Variants in KAT6A observed in about 807,000 individuals in gnomAD.
KAT6A encodes the protein lysine acetyltransferase 6A.
In KAT6A, 9 loss-of-function variants were observed where a neutral mutation model predicts 198.4. That is an observed-to-expected ratio of 0.05 (90% CI 0.03 to 0.08). The LOEUF is 0.08. Among genes scored for constraint, KAT6A ranks in the 10% least tolerant of loss-of-function variants. The probability of loss-of-function intolerance (pLI) is 1.00; values close to 1 mark genes in which losing one functional copy is unlikely to be tolerated. For synonymous variants in KAT6A, 890 were observed against 883.0 expected (o/e 1.01, Z -0.14); for missense variants, 2,077 against 2,509.9 (o/e 0.83, Z 3.69).
chr8:42,038,795 C>T (rs1277960036), intron 2 of KAT6A, among the ~76,000 whole-genome samples: 1 of 151,940 alleles, frequency 6.6e-6, no homozygotes, highest in African/African-American at 2.4e-5. Context: ...AAAGATACCT[C>T]AATCAACACT....
intron 2 of KAT6A, among the ~76,000 whole-genome samples, chr8:42,015,571 G>A (rs1826232792): frequency 6.6e-6 from 1 of 152,166 alleles, no homozygotes; most frequent in African/African-American, 2.4e-5. Flanking sequence ...CTCCTATACA[G>A]TCGTATAAAT....
At chr8:42,045,513 G>A in intron 2 of KAT6A, among the ~76,000 whole-genome samples, 1 of 143,524 alleles carries the variant, frequency 7.0e-6, no homozygotes, top group East Asian at 2.1e-4. Context: ...AGTAAGCCAA[G>A]ATCGTGCCAC....
intron 2 of KAT6A, among the ~76,000 whole-genome samples, chr8:42,041,969 A>G (rs577263384): frequency 1.3e-5 from 2 of 152,338 alleles, no homozygotes; most frequent in East Asian, 3.9e-4. Flanking sequence ...TAGCATGGAC[A>G]ACTATTTATT....
chr8:41,964,890 G>A (rs1278529778), intron 8 of KAT6A, among the ~76,000 whole-genome samples: 1 of 152,170 alleles, frequency 6.6e-6, no homozygotes, highest in Non-Finnish European at 1.5e-5. Flanking sequence ...TGATGATGAT[G>A]AGGAGGAGGA....
chr8:41,942,672 T>C (rs545136194), intron 14 of KAT6A, 121 bp downstream of exon 14: 6 of 1,120,036 alleles, frequency 5.4e-6, no homozygotes, highest in South Asian at 1.6e-5. Context: ...AATAAAACTC[T>C]TGACATTCTA....
At chr8:42,035,065 C>G (rs1387295669) in intron 2 of KAT6A, among the ~76,000 whole-genome samples, 1 of 152,144 alleles carries the variant, frequency 6.6e-6, no homozygotes, top group Non-Finnish European at 1.5e-5. Flanking sequence ...AATGAAGAAA[C>G]TACTAAGGTA....
rs117194624 is a variant in KAT6A, at chr8:42,037,623, G to A, written c.600+10755C>T. ...AGTCTGACAACACCTCTAGATCTGC[G>A]GAATCACCTATTCTACATAAAAGGT... On this transcript the variant is annotated intron_variant, in intron 2 of 16. Transcript: ENST00000265713. Among the ~76,000 whole-genome samples the A allele has an allele frequency of 4.2e-4, 63 of 151,556 alleles. 1 individual carries two copies. The East Asian group carries it at 7.6e-3, about 18-fold the overall frequency.
At chr8:41,997,648 T>A (rs1016633302) in intron 2 of KAT6A, among the ~76,000 whole-genome samples, 3 of 152,148 alleles carry the variant, frequency 2.0e-5, no homozygotes, top group African/African-American at 7.2e-5. Context: ...TCCAGGTTAC[T>A]CTGAGCATAA....
chr8:42,009,636 T>C (rs538139903), intron 2 of KAT6A, among the ~76,000 whole-genome samples: 2 of 151,980 alleles, frequency 1.3e-5, no homozygotes, highest in African/African-American at 2.4e-5. Flanking sequence ...CAGTGGCTCA[T>C]GCCTGTAATC....
chr8:41,995,670 ATTTCT>A (rs1825162369), intron 2 of KAT6A, among the ~76,000 whole-genome samples: 1 of 129,332 alleles, frequency 7.7e-6, no homozygotes, highest in Admixed American at 8.2e-5. Flanking sequence ...TCCAATTTTC[ATTTCT>A]TTTTTTTTTT....
Position 41,933,089 on chromosome 8 carries a change from A to G in KAT6A, c.5131T>C (p.Phe1711Leu), listed in dbSNP as rs1821640362. The G allele has an allele frequency of 6.2e-7, 1 of 1,610,652 alleles. No homozygotes were observed. The highest frequency in any genetic ancestry group is 1.1e-5 in the South Asian group (1 of 90,966). ...PLSQCSMNNS[F>L]TPAPMIMEIP... ...TCCATGATCATAGGAGCTGGGGTGA[A>G]ACTGTTATTCATACTACACTGTGAC... Residue 1711 changes from phenylalanine to leucine, a missense_variant, in exon 17 of 17, where the codon TTC becomes CTC. Phe to Leu is a conservative substitution (Grantham distance 22). Around this residue, in one of 13 missense-constraint regions of KAT6A, gnomAD observed 500 missense variants for 577.2 expected, o/e 0.87. Transcript: ENST00000265713. This position sits in a 1 kb window ranked among gnomAD's most constrained non-coding sequence, Gnocchi z 6.2.
Position 41,977,041 on chromosome 8 carries a change from T to G in KAT6A, c.1330A>C (p.Asn444His). ...SEQYRIRKRG[N>H]RKSSTSDWPT... ...CAATCTGAAGTGCTTGATTTCCTGT[T>G]GCCCCTCTTTCTGATTCGATATTGC... The change falls in exon 7 of 17, where the codon AAC becomes CAC. Residue 444 changes from asparagine to histidine, a missense_variant. Transcript: ENST00000265713. The G allele has an allele frequency of 6.2e-7, 1 of 1,611,252 alleles. No homozygotes were observed. The highest frequency in any genetic ancestry group is 8.5e-7 in the Non-Finnish European group (1 of 1,178,070).
At chr8:42,006,995 CAAAAAA>C (rs10701182) in intron 2 of KAT6A, among the ~76,000 whole-genome samples, 2 of 88,224 alleles carry the variant, frequency 2.3e-5, no homozygotes, top group South Asian at 4.2e-4. Flanking sequence ...GACTCCATCT[CAAAAAA>C]AAAAAAAAAA....
chr8:41,941,290 C>T lies in KAT6A; in HGVS notation c.2591G>A (p.Arg864Gln), dbSNP rs758361904. The change falls in exon 15 of 17, where the codon CGG (arginine) becomes CAG (glutamine). Residue 864 changes from arginine (R) to glutamine (Q), a missense_variant. By Grantham distance (43) the Arg-to-Gln change is conservative (BLOSUM62 1). This residue lies in a region of KAT6A where 301 missense variants were observed against 272.2 expected (regional missense o/e 1.11). Coordinates refer to ENST00000265713, the MANE Select transcript of KAT6A (RefSeq NM_006766.5). ...GTTCTTCCTCCCCCAGCGGCCCCTC[C>T]GAGATGGCTGGCTATTTGCAGGAAG... is the stretch of plus-strand genomic sequence containing the variant. ...DSLPANSQPSRRGRWGRKNRK... is the reference protein window; with the variant it reads ...DSLPANSQPSQRGRWGRKNRK... 1.2e-5 allele frequency: 20 copies of T among 1,614,104 alleles called. No homozygotes were observed. Among genetic ancestry groups the T allele is most frequent in the Non-Finnish European group, 1.4e-5 (17 of 1,180,036 alleles).
At position 41,981,966 on chromosome 8, in the gene KAT6A, G is replaced by A; in HGVS notation, c.710-12C>T. ...ACAGGATGGATGGCCTAATACGAGGGAGAACATTCATGAATGAAACAATCA... is the reference window on the plus strand; with the variant it reads ...ACAGGATGGATGGCCTAATACGAGGAAGAACATTCATGAATGAAACAATCA... On this transcript the variant is annotated splice_polypyrimidine_tract_variant and intron_variant, in intron 3 of 16. Coordinates refer to ENST00000265713, the MANE Select transcript of KAT6A (RefSeq NM_006766.5). The A allele has an allele frequency of 6.8e-7, 1 of 1,469,892 alleles. No homozygotes were observed. Among genetic ancestry groups the A allele is most frequent in the Admixed American group, 1.7e-5 (1 of 59,580 alleles). 91.1% of individuals were successfully genotyped at this position (1,469,892 alleles called of 1,614,324 possible). A position where few individuals can be genotyped will look rare whatever the true frequency, so the allele number is the denominator to read the frequency against.
intron 3 of KAT6A, among the ~76,000 whole-genome samples, chr8:41,982,506 T>G (rs776696820): frequency 2.6e-5 from 4 of 152,184 alleles, no homozygotes; most frequent in African/African-American, 9.7e-5. Context: ...AGGCTTTAGT[T>G]ACCCACAGTC....
chr8:41,935,248 G>T (rs1225092248), intron 16 of KAT6A, among the ~76,000 whole-genome samples: 1 of 152,104 alleles, frequency 6.6e-6, no homozygotes, highest in African/African-American at 2.4e-5. Context: ...CTTTTATCAA[G>T]TTGTCTCTAC....
chr8:41,968,315 G>C (rs536007969), intron 8 of KAT6A, among the ~76,000 whole-genome samples: 103 of 152,162 alleles, frequency 6.8e-4, no homozygotes, highest in African/African-American at 2.3e-3. Flanking sequence ...GTGGGCAAAG[G>C]ACATGAACAG....
intron 2 of KAT6A, among the ~76,000 whole-genome samples, chr8:42,034,392 G>A (rs1412457214): frequency 6.6e-6 from 1 of 152,132 alleles, no homozygotes; most frequent in East Asian, 1.9e-4. Flanking sequence ...TTGAGAACTG[G>A]TACAGTGGAA....
Sources: gnomAD v4.1 joint callset for allele counts (sites outside exome capture counted in the v4.1 genomes callset) on GRCh38, gnomAD v4.1.1 for gene constraint, gnomAD v4.1.1 regional missense constraint, Gnocchi (gnomAD v3.1) non-coding constraint, MANE v1.5 for transcripts, NCBI Gene and HGNC (gene_info 2026-07-23, HGNC 2026-07-21) for gene names.